SLC25A17: variants seen among roughly 807,000 people sequenced by gnomAD.
SLC25A17 encodes the protein solute carrier family 25 member 17, also known as peroxisomal membrane protein PMP34.
SLC25A17 carries 26 observed loss-of-function variants against 38.5 expected under a neutral mutation model. The ratio of observed to expected loss-of-function variants is 0.68; its 90% CI spans 0.50 to 0.94. The LOEUF is 0.94. SLC25A17 is among the 40% of genes least tolerant of loss of function. The probability of loss-of-function intolerance (pLI) is 0.00; values close to 1 mark genes in which losing one functional copy is unlikely to be tolerated. For missense variants in SLC25A17, 333 were observed against 372.7 expected (o/e 0.89, Z 0.88); for synonymous variants, 139 against 136.2 (o/e 1.02, Z -0.14).
intron 3 of SLC25A17, among the ~76,000 whole-genome samples, chr22:40,793,995 G>GGA (rs571712094): frequency 3.5e-4 from 54 of 152,298 alleles, no homozygotes; most frequent in African/African-American, 1.3e-3. Flanking sequence ...GTGTGTGTAA[G>GGA]GAGAGAAGGG....
chr22:40,804,789 T>C (rs1194531224), intron 1 of SLC25A17, among the ~76,000 whole-genome samples: 4 of 152,130 alleles, frequency 2.6e-5, no homozygotes, highest in Admixed American at 2.6e-4. Flanking sequence ...CTGTGTCGAT[T>C]GTGAGCATCA....
rs1165586967 is a variant in SLC25A17 at position 40,819,337 on chromosome 22, TGA to T, written c.-91_-90del. The T allele has an allele frequency of 3.1e-5, 43 of 1,376,480 alleles. No homozygotes were observed. In the South Asian group the frequency reaches 4.2e-4, roughly 13 times the overall value. The allele number at this position is 1,376,480 out of a possible 1,614,324, so 85.3% of individuals were successfully genotyped here. A position where few individuals can be genotyped will look rare whatever the true frequency, so the allele number is the denominator to read the frequency against. On this transcript the variant is annotated 5_prime_UTR_variant, in exon 1 of 9. Transcript: ENST00000435456. ...GAAAGGAGCACCGGAGCTCAGGGTG[TGA>T]GAGTCGCAATCCCCGCCCTCTCAAA... is the stretch of plus-strand genomic sequence containing the variant.
At chr22:40,807,981 A>C (rs2057544686) in intron 1 of SLC25A17, among the ~76,000 whole-genome samples, 1 of 152,180 alleles carries the variant, frequency 6.6e-6, no homozygotes, top group Non-Finnish European at 1.5e-5. Context: ...ATCTTAACAT[A>C]AACACTCATT....
chr22:40,783,045 G>A (rs1486405669), intron 4 of SLC25A17, among the ~76,000 whole-genome samples: 2 of 152,162 alleles, frequency 1.3e-5, no homozygotes, highest in African/African-American at 4.8e-5. Flanking sequence ...ACAGCAGGAA[G>A]AAAGCTGTTA....
chr22:40,795,048 C>T (rs1481490599), intron 2 of SLC25A17, among the ~76,000 whole-genome samples: 2 of 152,130 alleles, frequency 1.3e-5, no homozygotes, highest in African/African-American at 4.8e-5. Context: ...CCACCATACC[C>T]GGCCCGTGTA....
chr22:40,799,138 C>CTTTT, intron 1 of SLC25A17, 55 bp from the exon 2 acceptor site: 2 of 1,127,622 alleles, frequency 1.8e-6, no homozygotes, highest in African/African-American at 1.6e-5. Context: ...TAAGTCACAA[C>CTTTT]TTTTTTTTTT....
At chr22:40,809,837 T>C (rs912128066) in intron 1 of SLC25A17, among the ~76,000 whole-genome samples, 3 of 152,174 alleles carry the variant, frequency 2.0e-5, no homozygotes, top group Non-Finnish European at 4.4e-5. Context: ...TTCATTATTA[T>C]ATACTATCAT....
chr22:40,813,763 A>G (rs1440906574), intron 1 of SLC25A17: 1 of 152,466 alleles, frequency 6.6e-6, no homozygotes, highest in African/African-American at 2.4e-5. Context: ...ACCTAGCATC[A>G]TACCAGGCAC....
chr22:40,806,076 A>G (rs938572360), intron 1 of SLC25A17, among the ~76,000 whole-genome samples: 1 of 152,228 alleles, frequency 6.6e-6, no homozygotes, highest in African/African-American at 2.4e-5. Context: ...CAGCTGGAAC[A>G]GGAAATTCTG....
chr22:40,771,017 C>T (rs778165059), intron 8 of SLC25A17, 36 bp from the exon 9 acceptor site: 1 of 1,507,022 alleles, frequency 6.6e-7, no homozygotes, highest in South Asian at 1.3e-5. Flanking sequence ...CAGAAGTCAG[C>T]TCCTGCATCA....
At chr22:40,781,988 G>A (rs1602594144) in intron 4 of SLC25A17, among the ~76,000 whole-genome samples, 1 of 152,166 alleles carries the variant, frequency 6.6e-6, no homozygotes, top group African/African-American at 2.4e-5. Context: ...TTGGGAGGCT[G>A]AGGCGGGTGG....
chr22:40,819,133 G>A, intron 1 of SLC25A17, 62 bp downstream of exon 1: 20 of 1,570,042 alleles, frequency 1.3e-5, no homozygotes, highest in Non-Finnish European at 1.7e-5. Flanking sequence ...GGCATATCCC[G>A]GGACTGGCCC....
At chr22:40,816,855 C>T (rs947341918) in intron 1 of SLC25A17, among the ~76,000 whole-genome samples, 5 of 152,192 alleles carry the variant, frequency 3.3e-5, no homozygotes, top group African/African-American at 4.8e-5. Flanking sequence ...AGGCGATCCG[C>T]CTGCCTCAGC....
chr22:40,776,184 G>T, intron 7 of SLC25A17: 2 of 341,518 alleles, frequency 5.9e-6, no homozygotes, highest in South Asian at 2.5e-5. Flanking sequence ...TATTTTGCTT[G>T]TTTACCTGTT....
intron 7 of SLC25A17, 72 bp from the exon 8 acceptor site, chr22:40,774,091 A>G (rs1281367196): frequency 4.7e-5 from 42 of 900,818 alleles, no homozygotes; most frequent in Non-Finnish European, 7.4e-6. Context: ...CCTGGGGAGG[A>G]TATTATGTTG....
chr22:40,794,666 C>G, intron 2 of SLC25A17, 86 bp from the exon 3 acceptor site: 1 of 685,076 alleles, frequency 1.5e-6, no homozygotes, highest in South Asian at 1.9e-5. Flanking sequence ...GTCGCCCAGG[C>G]TGGAGTGCAG....
chr22:40,775,348 G>A (rs1172084793), intron 7 of SLC25A17, among the ~76,000 whole-genome samples: 1 of 151,500 alleles, frequency 6.6e-6, no homozygotes, highest in East Asian at 1.9e-4. Context: ...CAAGTCAAGG[G>A]CAGGGCCAGG....
At chr22:40,809,563 T>C (rs1352143836) in intron 1 of SLC25A17, among the ~76,000 whole-genome samples, 5 of 152,232 alleles carry the variant, frequency 3.3e-5, no homozygotes, top group South Asian at 2.1e-4. Flanking sequence ...GCCTGGGCTG[T>C]TGGGGCTACA....
At chr22:40,777,850 T>C (rs1361770627) in intron 5 of SLC25A17, among the ~76,000 whole-genome samples, 1 of 152,122 alleles carries the variant, frequency 6.6e-6, no homozygotes, top group African/African-American at 2.4e-5. Flanking sequence ...GGTTAATTAC[T>C]TTTTGATAAT....
Sources: gnomAD v4.1 joint callset for allele counts (sites outside exome capture counted in the v4.1 genomes callset) on GRCh38, gnomAD v4.1.1 for gene constraint, MANE v1.5 for transcripts, NCBI Gene and HGNC (gene_info 2026-07-23, HGNC 2026-07-21) for gene names.